Variants in TTLL6 observed in about 807,000 individuals in gnomAD.
TTLL6 encodes the protein tubulin tyrosine ligase like 6.
A neutral mutation model predicts 96.4 loss-of-function variants in TTLL6; 75 were observed. That is an observed-to-expected ratio of 0.78 (90% confidence interval 0.65 to 0.94). The LOEUF is 0.94. Among genes scored for constraint, TTLL6 ranks in the 40% least tolerant of loss-of-function variants. The pLI is 0.00. For synonymous variants in TTLL6, 411 were observed against 419.4 expected (o/e 0.98, Z 0.24); for missense variants, 1,030 against 1,093.0 (o/e 0.94, Z 0.81).
chr17:48,799,371 C>T (rs1342082173), intron 6 of TTLL6, among the ~76,000 whole-genome samples: 6 of 152,222 alleles, frequency 3.9e-5, no homozygotes, highest in African/African-American at 1.2e-4. Context: ...AGGAAAAGGG[C>T]CAGCCTGGCA....
chr17:48,807,678 A>C (rs2039523706), intron 1 of TTLL6, among the ~76,000 whole-genome samples: 1 of 151,566 alleles, frequency 6.6e-6, no homozygotes, highest in Admixed American at 6.6e-5. Flanking sequence ...CACCCGGCTA[A>C]CTTTTATATT....
At chr17:48,816,611 A>C (rs914045594) in intron 1 of TTLL6, among the ~76,000 whole-genome samples, 9 of 152,218 alleles carry the variant, frequency 5.9e-5, no homozygotes, top group Non-Finnish European at 1.2e-4. Context: ...AGACAAAGGA[A>C]GAACAGTGAT....
chr17:48,783,522 A>AC (rs1185461487), intron 13 of TTLL6, among the ~76,000 whole-genome samples: 1 of 151,440 alleles, frequency 6.6e-6, no homozygotes, highest in African/African-American at 2.4e-5. Context: ...ACCTCCACCT[A>AC]CCGGGTTCAA....
chr17:48,764,057 G>T (rs1004230531), intron 15 of TTLL6, among the ~76,000 whole-genome samples: 1 of 151,746 alleles, frequency 6.6e-6, no homozygotes, highest in Admixed American at 6.6e-5. Context: ...AATCTCCTGA[G>T]CCTGGGAAGT....
intron 9 of TTLL6, among the ~76,000 whole-genome samples, chr17:48,790,496 G>C (rs777918665): frequency 6.6e-6 from 1 of 152,170 alleles, no homozygotes; most frequent in East Asian, 1.9e-4. Flanking sequence ...CAGGAGCCTG[G>C]CCAGGGTGGA....
intron 3 of TTLL6, 33 bp downstream of exon 3, chr17:48,803,858 C>T (rs1645320131): frequency 6.4e-7 from 1 of 1,550,996 alleles, no homozygotes; most frequent in Non-Finnish European, 8.7e-7. Flanking sequence ...CCAGTGGGTC[C>T]CCATTATAGA....
chr17:48,803,803 C>T, intron 3 of TTLL6, 88 bp downstream of exon 3: 1 of 1,365,328 alleles, frequency 7.3e-7, no homozygotes, highest in South Asian at 1.3e-5. Flanking sequence ...CCCTTTCATC[C>T]TCACAAATAT....
At position 48,790,864 on chromosome 17, in the gene TTLL6, A is replaced by C. The variant is rs566762195; in HGVS notation, c.1224+514T>G. Among the ~76,000 whole-genome samples the C allele has an allele frequency of 1.7e-4, 26 of 152,314 alleles. No individual in the cohort carries two copies. In the South Asian group the frequency reaches 5.4e-3, roughly 32 times the overall value. Reference sequence around the variant, plus strand: ...TCTATCAGGAAGAGAGGCAGTCACCAGGAAAGCTTCTCCTCCTCCTCACAC... The same window carrying C: ...TCTATCAGGAAGAGAGGCAGTCACCCGGAAAGCTTCTCCTCCTCCTCACAC... On this transcript the variant is annotated intron_variant, in intron 9 of 15. Transcript: ENST00000393382.
chr17:48,811,477 T>C (rs1334513930), intron 1 of TTLL6, among the ~76,000 whole-genome samples: 1 of 152,030 alleles, frequency 6.6e-6, no homozygotes, highest in Non-Finnish European at 1.5e-5. Flanking sequence ...GAGATCCTCC[T>C]GCCTCAACCT....
chr17:48,775,291 T>C (rs1425015480), intron 13 of TTLL6, among the ~76,000 whole-genome samples: 1 of 151,952 alleles, frequency 6.6e-6, no homozygotes, highest in East Asian at 1.9e-4. Flanking sequence ...ACCAGTATCT[T>C]TTATGAACTT....
At chr17:48,799,128 T>C (rs1433366438) in intron 6 of TTLL6, among the ~76,000 whole-genome samples, 1 of 152,194 alleles carries the variant, frequency 6.6e-6, no homozygotes, top group Non-Finnish European at 1.5e-5. Flanking sequence ...AGCCAATGCA[T>C]AGTTGCAGTT....
chr17:48,793,271 G>C (rs1348259714), intron 8 of TTLL6, among the ~76,000 whole-genome samples: 1 of 152,156 alleles, frequency 6.6e-6, no homozygotes, highest in Non-Finnish European at 1.5e-5. Context: ...GGAGGGAGAG[G>C]AGGAAAGATG....
chr17:48,788,398 T>C (rs3901705), intron 10 of TTLL6, among the ~76,000 whole-genome samples: 39,015 of 152,156 alleles, frequency 0.26, 5,135 homozygotes, highest in Admixed American at 0.38. Context: ...ATGACCTTGA[T>C]GACCGTTTAC....
intron 15 of TTLL6, among the ~76,000 whole-genome samples, chr17:48,763,865 G>A (rs2038538386): frequency 6.6e-6 from 1 of 152,186 alleles, no homozygotes; most frequent in Admixed American, 6.5e-5. Context: ...GCGGGAGGCT[G>A]AGGCAGGAGA....
rs1376423849 is a variant in TTLL6, at chr17:48,769,872, G to T, written c.2266C>A (p.Pro756Thr). The T allele has an allele frequency of 6.2e-7, 1 of 1,614,204 alleles. No individual in the cohort carries two copies. The highest frequency in any genetic ancestry group is 1.7e-5 in the Admixed American group (1 of 60,018). Residue 756 changes from proline (P) to threonine (T), a missense_variant, in exon 14 of 16, where the codon CCG (proline) becomes ACG (threonine). Physicochemically the swap from Pro to Thr is conservative, Grantham distance 38 (BLOSUM62 -1). Transcript: ENST00000393382. ...TTTAGCAAAGTCCAGTTTGTGTTCG[G>T]ACTCTCCCAGAAGCTCTTGGATTTT... ...PTKSKSFWES[P>T]NTNWTLLKSD...
intron 7 of TTLL6, 25 bp from the exon 8 acceptor site, chr17:48,796,171 C>T (rs1389183126): frequency 8.4e-6 from 13 of 1,539,300 alleles, no homozygotes; most frequent in Admixed American, 2.0e-5. Flanking sequence ...ACACATCTGT[C>T]GGGTCAGCTC....
intron 1 of TTLL6, among the ~76,000 whole-genome samples, chr17:48,816,267 C>A (rs899855745): frequency 1.4e-5 from 2 of 147,480 alleles, no homozygotes; most frequent in Non-Finnish European, 3.0e-5. Context: ...AAAAAGTGAG[C>A]CCCCCCACCC....
intron 1 of TTLL6, among the ~76,000 whole-genome samples, chr17:48,806,858 C>T (rs986984608): frequency 6.6e-6 from 1 of 151,634 alleles, no homozygotes; most frequent in Non-Finnish European, 1.5e-5. Flanking sequence ...TGGCAAAACC[C>T]CATATCTACT....
chr17:48,793,421 G>A (rs1483867768), intron 8 of TTLL6, among the ~76,000 whole-genome samples: 1 of 152,094 alleles, frequency 6.6e-6, no homozygotes, highest in African/African-American at 2.4e-5. Flanking sequence ...TGTTGACCAT[G>A]AGGGTTGTAA....
Sources: allele counts gnomAD v4.1 joint callset (sites outside exome capture counted in the v4.1 genomes callset), GRCh38; gene constraint gnomAD v4.1.1; transcripts MANE v1.5; gene names NCBI Gene and HGNC (gene_info 2026-07-23, HGNC 2026-07-21).